Variants in TSHZ3 observed in about 807,000 individuals in gnomAD.
TSHZ3 encodes the protein teashirt homolog 3.
TSHZ3 carries 10 observed loss-of-function variants against 64.5 expected under a neutral mutation model. The ratio of observed to expected loss-of-function variants is 0.16; its 90% CI spans 0.10 to 0.26. The LOEUF (loss-of-function observed/expected upper bound fraction) is 0.26. Among genes scored for constraint, TSHZ3 ranks in the 10% least tolerant of loss-of-function variants. The probability of loss-of-function intolerance (pLI) is 1.00; values close to 1 mark genes in which losing one functional copy is unlikely to be tolerated. For missense variants in TSHZ3, 1,242 were observed against 1,421.7 expected, an observed-to-expected ratio of 0.87 and a Z score of 2.03; for synonymous variants, 608 against 593.1, an observed-to-expected ratio of 1.03 and a Z score of -0.36.
Position 31,276,537 on chromosome 19 carries a change from A to G in TSHZ3, c.*10T>C. The stretch of plus-strand genomic sequence containing the variant: ...AAGCAAACTGCAGTCCTTTCTATCA[A>G]AAGCAAATGCTACTGCTTCTCTAAC... On this transcript the variant is annotated 3_prime_UTR_variant, in exon 2 of 2. Coordinates refer to ENST00000240587, the MANE Select transcript of TSHZ3 (RefSeq NM_020856.4). The G allele has an allele frequency of 6.5e-7, 1 of 1,531,874 alleles. No homozygotes were observed. Among genetic ancestry groups the G allele is most frequent in the African/African-American group, 1.4e-5 (1 of 72,554 alleles). The allele number at this position is 1,531,874 out of a possible 1,614,324, so 94.9% of individuals were successfully genotyped here.
chr19:31,239,589 T>G (rs1003889247), intron 3 of TSHZ3, among the ~76,000 whole-genome samples: 1 of 152,312 alleles, frequency 6.6e-6, no homozygotes, highest in Non-Finnish European at 1.5e-5. Context: ...ACTTTATTTT[T>G]ATTCTTATTT....
chr19:31,337,753 A>ACACACACACACACACACACAC, intron 1 of TSHZ3, among the ~76,000 whole-genome samples: 1 of 152,024 alleles, frequency 6.6e-6, no homozygotes, highest in South Asian at 2.1e-4. Flanking sequence ...ACACACACAC[A>ACACACACACACACACACACAC]AAGTTGCCTG....
chr19:31,309,026 C>T lies in TSHZ3; in HGVS notation c.41-29274G>A, dbSNP rs113503110. 1.6e-3 allele frequency among the ~76,000 whole-genome samples: 242 copies of T among 152,370 alleles called. 1 individual carries two copies. Among genetic ancestry groups the T allele is most frequent in the African/African-American group, 5.4e-3 (225 of 41,590 alleles). On this transcript the variant is annotated intron_variant, in intron 1 of 1. Transcript: ENST00000240587. ...CAGTCTTCTGTGAGCCAGTGACCAC[C>T]GTGCTGTTGGCCCCCAGGGCCTGCC...
intron 3 of TSHZ3, among the ~76,000 whole-genome samples, chr19:31,229,616 C>A (rs1246948805): frequency 6.6e-6 from 1 of 152,110 alleles, no homozygotes; most frequent in Non-Finnish European, 1.5e-5. Flanking sequence ...AAAGTAGAAT[C>A]TTGATGAAAT....
chr19:31,258,324 T>A (rs1975939665), intron 1 of TSHZ3, among the ~76,000 whole-genome samples: 1 of 152,166 alleles, frequency 6.6e-6, no homozygotes, highest in Non-Finnish European at 1.5e-5. Context: ...ATTCCAGCTG[T>A]TCTGTCCAGT....
intron 1 of TSHZ3, among the ~76,000 whole-genome samples, chr19:31,332,228 T>G (rs573161562): frequency 1.3e-5 from 2 of 152,314 alleles, no homozygotes; most frequent in East Asian, 3.9e-4. Flanking sequence ...TGGAATTTCA[T>G]GATATGTTTA....
At chr19:31,174,534 A>G (rs558592438) in intron 5 of TSHZ3, among the ~76,000 whole-genome samples, 2 of 152,230 alleles carry the variant, frequency 1.3e-5, no homozygotes, top group Non-Finnish European at 2.9e-5. Flanking sequence ...GGCCCAGATC[A>G]CCTAAAATGA....
rs534821298 is a variant in TSHZ3 at position 31,254,608 on chromosome 19, G to A, written n.64-11733C>T. Reference sequence around the variant, plus strand: ...TTTGTAAACAGATACCGTTCAATGCGGCGGGTGATTTTCAGGCCATCCGCC... The same window carrying A: ...TTTGTAAACAGATACCGTTCAATGCAGCGGGTGATTTTCAGGCCATCCGCC... On this transcript the variant is annotated intron_variant and non_coding_transcript_variant, in intron 1 of 6. Transcript: ENST00000651361. 1.2e-4 allele frequency among the ~76,000 whole-genome samples: 18 copies of A among 152,288 alleles called. No homozygotes were observed. The East Asian group carries it at 2.3e-3, about 20-fold the overall frequency.
Position 31,230,692 on chromosome 19 carries a change from C to CTTTT in TSHZ3, n.551-2556_551-2553dup, listed in dbSNP as rs956399700. On this transcript the variant is annotated intron_variant and non_coding_transcript_variant, in intron 3 of 6. Transcript: ENST00000651361. ...TCACTACCCCTGCTTCCCATCACTG[C>CTTTT]TTTTTTTTTTTTTTTTTTTTTTTTT... 2.2e-3 allele frequency among the ~76,000 whole-genome samples: 205 copies of CTTTT among 94,116 alleles called. 10 individuals carry two copies. The highest frequency in any genetic ancestry group is 6.7e-3 in the African/African-American group (141 of 21,190). The allele number at this position is 94,116 out of a possible 152,430, so 61.7% of individuals were successfully genotyped here.
chr19:31,346,797 C>A (rs4146210), intron 1 of TSHZ3, among the ~76,000 whole-genome samples: 113,744 of 149,950 alleles, frequency 0.76, 44,007 homozygotes, highest in East Asian at 0.98. Flanking sequence ...AAACCACCCC[C>A]AAAAAAAAAA....
rs931745056 is a variant in TSHZ3 at position 31,348,471 on chromosome 19, A to G, written c.40+709T>C. On this transcript the variant is annotated intron_variant, in intron 1 of 1. Transcript: ENST00000240587. ...GACACTCCCGGTTAAAGAAGAAGAA[A>G]AAAAAAAAAAAAGGAGGAACAAAAA... 1.3e-4 allele frequency among the ~76,000 whole-genome samples: 19 copies of G among 151,662 alleles called. 1 individual carries two copies. The highest frequency in any genetic ancestry group is 1.3e-3 in the South Asian group (6 of 4,792).
At chr19:31,235,390 G>A (rs976593918) in intron 3 of TSHZ3, among the ~76,000 whole-genome samples, 4 of 149,734 alleles carry the variant, frequency 2.7e-5, no homozygotes, top group Non-Finnish European at 4.4e-5. Context: ...TCTACTCTCT[G>A]TTCCTACGAG....
intron 4 of TSHZ3, among the ~76,000 whole-genome samples, chr19:31,215,405 AATGGTATAAGTGTATACAAGAAATATCC>A (rs1191593263): frequency 1.3e-5 from 2 of 152,238 alleles, no homozygotes; most frequent in Non-Finnish European, 1.5e-5. Context: ...AAAGAACATC[AATGGTATAAGTGTATACAAGAAATATCC>A]ATGGTATAAG....
chr19:31,320,192 C>T (rs544473760), intron 1 of TSHZ3, among the ~76,000 whole-genome samples: 7 of 152,260 alleles, frequency 4.6e-5, no homozygotes, highest in South Asian at 2.1e-4. Flanking sequence ...AACATGACCA[C>T]GGGGCTTCTC....
chr19:31,345,720 T>A (rs2145203051), intron 1 of TSHZ3, among the ~76,000 whole-genome samples: 2 of 152,150 alleles, frequency 1.3e-5, no homozygotes, highest in South Asian at 4.1e-4. Flanking sequence ...TAAGAAATGG[T>A]CTTTTATGAT....
intron 1 of TSHZ3, among the ~76,000 whole-genome samples, chr19:31,284,782 G>A (rs909220693): frequency 1.3e-5 from 2 of 152,152 alleles, no homozygotes; most frequent in Admixed American, 6.5e-5. Context: ...TGGTCAGGAC[G>A]AGACCCCACA....
At chr19:31,251,997 C>A (rs1005210338) in intron 1 of TSHZ3, among the ~76,000 whole-genome samples, 1 of 152,196 alleles carries the variant, frequency 6.6e-6, no homozygotes, top group Non-Finnish European at 1.5e-5. Flanking sequence ...TCCTCTGTAT[C>A]CCTAAGCACC....
At chr19:31,350,535 C>T (rs1295161836), upstream of TSHZ3, among the ~76,000 whole-genome samples, 2 of 151,504 alleles carry the variant, frequency 1.3e-5, no homozygotes, top group African/African-American at 4.8e-5. Flanking sequence ...GGGGCTCCCC[C>T]CGAGAGCCTA....
chr19:31,247,970 TC>T (rs765988976), intron 1 of TSHZ3, among the ~76,000 whole-genome samples: 23 of 152,134 alleles, frequency 1.5e-4, no homozygotes, highest in Non-Finnish European at 3.2e-4. Flanking sequence ...AACTCACAGT[TC>T]CACATGGCTG....
Sources: gnomAD v4.1 joint callset for allele counts (sites outside exome capture counted in the v4.1 genomes callset) on GRCh38, gnomAD v4.1.1 for gene constraint, MANE v1.5 for transcripts, NCBI Gene and HGNC (gene_info 2026-07-23, HGNC 2026-07-21) for gene names.